ZBTB20: variants seen among roughly 807,000 people sequenced by gnomAD.
ZBTB20 encodes zinc finger and BTB domain-containing protein 20.
A neutral mutation model predicts 56.9 loss-of-function variants in ZBTB20; 9 were observed. That is an observed-to-expected ratio of 0.16 (90% CI 0.10 to 0.28). The LOEUF is 0.28. Ranked by LOEUF, ZBTB20 falls within the 10% of genes least tolerant of loss-of-function variation. The pLI, the probability that ZBTB20 is intolerant of heterozygous loss-of-function variation, is 1.00. For missense variants in ZBTB20, 655 were observed against 1,003.0 expected (o/e 0.65, Z 4.69); for synonymous variants, 417 against 420.7 (o/e 0.99, Z 0.11).
chr3:114,920,504 C>G (rs1402740368), intron 3 of ZBTB20, among the ~76,000 whole-genome samples: 1 of 152,016 alleles, frequency 6.6e-6, no homozygotes, highest in African/African-American at 2.4e-5. Flanking sequence ...GGAAAAATCA[C>G]AAACATGTGG....
At position 114,322,417 on chromosome 3, in the gene ZBTB20, A is replaced by C. The variant is rs1158096546; in HGVS notation, c.*16588T>G. 6.6e-6 allele frequency: 1 copy of C among 152,202 alleles called. No individual in the cohort carries two copies. Among genetic ancestry groups the C allele is most frequent in the African/African-American group, 2.4e-5 (1 of 41,452 alleles). 9.4% of individuals were successfully genotyped at this position (152,202 alleles called of 1,614,324 possible). A position where few individuals can be genotyped will look rare whatever the true frequency, so the allele number is the denominator to read the frequency against. On this transcript the variant is annotated 3_prime_UTR_variant, in exon 12 of 12. Transcript: ENST00000675478. ...AAAACCATAGTGTAATCCCTTGACC[A>C]CCAAAGCATATCCCTTGAGCCTGTT...
Position 114,365,987 on chromosome 3 carries a change from C to T in ZBTB20, c.200-14109G>A, listed in dbSNP as rs533049851. 2.0e-5 allele frequency among the ~76,000 whole-genome samples: 3 copies of T among 152,278 alleles called. No homozygotes were observed. The East Asian group carries it at 5.8e-4, about 29-fold the overall frequency. On this transcript the variant is annotated intron_variant, in intron 10 of 11. Transcript: ENST00000675478. The stretch of plus-strand genomic sequence containing the variant: ...TTTTCACAAATGGGCATAATGCTTA[C>T]AAATGCACTACATCATTATTTTAGC...
chr3:114,790,284 G>C (rs952294924), intron 5 of ZBTB20, among the ~76,000 whole-genome samples: 2 of 152,004 alleles, frequency 1.3e-5, no homozygotes, highest in African/African-American at 2.4e-5. Context: ...AACAATAAAA[G>C]CTATTTAAAG....
intron 6 of ZBTB20, among the ~76,000 whole-genome samples, chr3:114,571,324 C>T (rs1438594036): frequency 9.2e-5 from 14 of 152,182 alleles, no homozygotes; most frequent in Admixed American, 9.2e-4. Flanking sequence ...ATATAGCCAG[C>T]CATTCCATAG....
At chr3:114,807,691 G>T (rs1233123910) in intron 4 of ZBTB20, among the ~76,000 whole-genome samples, 1 of 152,022 alleles carries the variant, frequency 6.6e-6, no homozygotes, top group Non-Finnish European at 1.5e-5. Context: ...TTTGTTGAAA[G>T]ATTATATCAC....
At chr3:114,879,059 A>G (rs1426046609) in intron 4 of ZBTB20, among the ~76,000 whole-genome samples, 1 of 152,184 alleles carries the variant, frequency 6.6e-6, no homozygotes, top group Non-Finnish European at 1.5e-5. Context: ...TTCCTTGGAC[A>G]TATATTTAAC....
chr3:114,476,721 G>A (rs951121566), intron 7 of ZBTB20, among the ~76,000 whole-genome samples: 5 of 152,080 alleles, frequency 3.3e-5, no homozygotes, highest in African/African-American at 7.2e-5. Flanking sequence ...CTCTTATTAG[G>A]CCCCACCTTC....
At chr3:114,929,362 A>G (rs902059339) in intron 3 of ZBTB20, among the ~76,000 whole-genome samples, 6 of 152,228 alleles carry the variant, frequency 3.9e-5, no homozygotes, top group Non-Finnish European at 7.3e-5. Flanking sequence ...TACTGGGCAG[A>G]AGGCCAGGAC....
chr3:114,645,612 T>A (rs2059793069), intron 6 of ZBTB20, among the ~76,000 whole-genome samples: 1 of 152,198 alleles, frequency 6.6e-6, no homozygotes, highest in Non-Finnish European at 1.5e-5. Context: ...TATTTTGGTA[T>A]TACTATTGGA....
At chr3:114,925,655 C>A (rs748616662) in intron 3 of ZBTB20, among the ~76,000 whole-genome samples, 1 of 151,768 alleles carries the variant, frequency 6.6e-6, no homozygotes, top group Non-Finnish European at 1.5e-5. Flanking sequence ...GCCTCCCGAG[C>A]AGCTGGGACT....
At chr3:114,891,996 G>A (rs1007584298) in intron 4 of ZBTB20, among the ~76,000 whole-genome samples, 10 of 152,102 alleles carry the variant, frequency 6.6e-5, no homozygotes, top group South Asian at 2.1e-4. Flanking sequence ...GCAGTGAGCC[G>A]TGATCGCGCC....
chr3:114,557,605 C>T (rs1034006684), intron 6 of ZBTB20, among the ~76,000 whole-genome samples: 1 of 151,890 alleles, frequency 6.6e-6, no homozygotes, highest in East Asian at 1.9e-4. Flanking sequence ...AAGTCAGTTA[C>T]CCTGAACTCT....
chr3:114,923,158 C>T (rs2076022643), intron 3 of ZBTB20, among the ~76,000 whole-genome samples: 1 of 152,152 alleles, frequency 6.6e-6, no homozygotes, highest in Non-Finnish European at 1.5e-5. Flanking sequence ...CTACCTAAAG[C>T]ATTTTCAGAT....
At chr3:114,621,314 A>G (rs929548582) in intron 6 of ZBTB20, among the ~76,000 whole-genome samples, 4 of 152,190 alleles carry the variant, frequency 2.6e-5, no homozygotes, top group African/African-American at 9.6e-5. Context: ...AGTCAGCTAC[A>G]TTTCATTTAT....
chr3:114,447,581 A>C (rs765971877), intron 7 of ZBTB20, among the ~76,000 whole-genome samples: 15 of 152,142 alleles, frequency 9.9e-5, no homozygotes, highest in Non-Finnish European at 1.9e-4. Context: ...CAAATGCTTC[A>C]TGTCTCTTGA....
At chr3:114,977,778 G>T (rs1413330586) in intron 2 of ZBTB20, among the ~76,000 whole-genome samples, 2 of 152,034 alleles carry the variant, frequency 1.3e-5, no homozygotes, top group Non-Finnish European at 2.9e-5. Context: ...TAAGCATAAA[G>T]ATTTATGATG....
At chr3:114,349,435 G>T (rs1349330604) in intron 11 of ZBTB20, among the ~76,000 whole-genome samples, 1 of 152,070 alleles carries the variant, frequency 6.6e-6, no homozygotes, top group East Asian at 1.9e-4. Flanking sequence ...TAGAATCCAG[G>T]GATGAAACAT....
At chr3:114,785,389 G>A (rs906728390) in intron 5 of ZBTB20, among the ~76,000 whole-genome samples, 2 of 151,992 alleles carry the variant, frequency 1.3e-5, no homozygotes, top group Non-Finnish European at 2.9e-5. Context: ...CTCTTTGTAC[G>A]TCTAATGTGG....
chr3:114,352,766 T>C (rs1279749192), intron 10 of ZBTB20, among the ~76,000 whole-genome samples: 3 of 152,242 alleles, frequency 2.0e-5, no homozygotes, highest in African/African-American at 7.2e-5. Flanking sequence ...ATATTTATTA[T>C]GCAAACAGGG....
Sources: allele counts gnomAD v4.1 joint callset (sites outside exome capture counted in the v4.1 genomes callset), GRCh38; gene constraint gnomAD v4.1.1; transcripts MANE v1.5; gene names NCBI Gene and HGNC (gene_info 2026-07-23, HGNC 2026-07-21).